SBF2: variants seen among roughly 807,000 people sequenced by gnomAD.
SBF2 encodes the protein SET binding factor 2, also known as myotubularin-related protein 13.
A neutral mutation model predicts 225.2 loss-of-function variants in SBF2; 112 were observed. That is an observed-to-expected ratio of 0.50 (90% confidence interval 0.43 to 0.58). The LOEUF (loss-of-function observed/expected upper bound fraction) is 0.58. Ranked by LOEUF, SBF2 falls within the 20% of genes least tolerant of loss-of-function variation. The pLI, the probability that SBF2 is intolerant of heterozygous loss-of-function variation, is 0.00. For synonymous variants in SBF2, 763 were observed against 773.3 expected, an observed-to-expected ratio of 0.99 and a Z score of 0.22; for missense variants, 1,996 against 2,206.2, an observed-to-expected ratio of 0.90 and a Z score of 1.91.
chr11:10,112,313 C>T (rs571215224), intron 2 of SBF2, among the ~76,000 whole-genome samples: 4 of 152,294 alleles, frequency 2.6e-5, no homozygotes, highest in South Asian at 2.1e-4. Flanking sequence ...CAGGAGGTGA[C>T]TGAATTATGG....
chr11:9,867,251 T>C (rs1858301915), intron 17 of SBF2, among the ~76,000 whole-genome samples: 1 of 152,108 alleles, frequency 6.6e-6, no homozygotes, highest in Non-Finnish European at 1.5e-5. Flanking sequence ...CATAAATATA[T>C]ACACCTACTA....
chr11:10,029,627 T>C (rs1319129222), intron 5 of SBF2, 138 bp downstream of exon 5: 4 of 722,050 alleles, frequency 5.5e-6, no homozygotes, highest in Non-Finnish European at 9.9e-6. Flanking sequence ...ATGGGGACAA[T>C]GCTTAACTAA....
At chr11:9,950,625 T>G (rs775175815) in intron 16 of SBF2, among the ~76,000 whole-genome samples, 1 of 152,216 alleles carries the variant, frequency 6.6e-6, no homozygotes, top group Non-Finnish European at 1.5e-5. Flanking sequence ...ACCAGCTGTA[T>G]GTAAACTTTA....
intron 2 of SBF2, among the ~76,000 whole-genome samples, chr11:10,108,196 A>C (rs1049289896): frequency 1.3e-5 from 2 of 152,210 alleles, no homozygotes; most frequent in Non-Finnish European, 2.9e-5. Flanking sequence ...AAAGATGTGG[A>C]ATTGAGAAAG....
chr11:10,257,294 G>A (rs752439266), intron 1 of SBF2, among the ~76,000 whole-genome samples: 6 of 152,118 alleles, frequency 3.9e-5, no homozygotes, highest in Non-Finnish European at 5.9e-5. Flanking sequence ...CTTCCAATGT[G>A]CTCTAATGCA....
At chr11:10,154,722 G>A (rs1955384835) in intron 2 of SBF2, among the ~76,000 whole-genome samples, 1 of 152,058 alleles carries the variant, frequency 6.6e-6, no homozygotes, top group Non-Finnish European at 1.5e-5. Context: ...GCCATAACTT[G>A]AGATTCTCAA....
At chr11:10,050,957 CTACAGCAGATCTAT>C (rs943677504) in intron 2 of SBF2, among the ~76,000 whole-genome samples, 74 of 152,232 alleles carry the variant, frequency 4.9e-4, no homozygotes, top group African/African-American at 1.7e-3. Flanking sequence ...AAGGGGGAAA[CTACAGCAGATCTAT>C]TAAATGAGCA....
At chr11:9,984,535 G>A (rs1026357911) in intron 13 of SBF2, among the ~76,000 whole-genome samples, 6 of 152,068 alleles carry the variant, frequency 3.9e-5, no homozygotes, top group East Asian at 1.9e-4. Flanking sequence ...AAACATCCCC[G>A]GCCTTGCAAG....
At chr11:10,199,563 T>A (rs570509919) in intron 1 of SBF2, among the ~76,000 whole-genome samples, 1 of 152,104 alleles carries the variant, frequency 6.6e-6, no homozygotes, top group East Asian at 1.9e-4. Flanking sequence ...AAACAAATAA[T>A]AAATAATAAG....
intron 27 of SBF2, among the ~76,000 whole-genome samples, chr11:9,831,438 T>G (rs1421658572): frequency 6.6e-6 from 1 of 152,250 alleles, no homozygotes; most frequent in Non-Finnish European, 1.5e-5. Context: ...TCAGTCAACC[T>G]AATGATCAAA....
chr11:10,075,669 G>A (rs1364009001), intron 2 of SBF2, among the ~76,000 whole-genome samples: 1 of 151,996 alleles, frequency 6.6e-6, no homozygotes, highest in Admixed American at 6.5e-5. Flanking sequence ...TTGCCCTTCT[G>A]CCATGATTGT....
In SBF2 at chr11:9,963,781, T is replaced by A; in HGVS notation, c.1702A>T (p.Thr568Ser). 2 of 1,529,050 alleles carry A rather than the reference T, an allele frequency of 1.3e-6. No individual in the cohort carries two copies. The highest frequency in any genetic ancestry group is 1.8e-6 in the Non-Finnish European group (2 of 1,106,882). The allele number at this position is 1,529,050 out of a possible 1,614,324, so 94.7% of individuals were successfully genotyped here. ...AGATCACATTTTATTACCTTTTCAG[T>A]TTCCAAAATTTTATTTTCAAATATG... ...SFIFENKILE[T>S]EKTLPAALRA... The change falls in exon 15 of 40, where the codon ACT becomes TCT. Residue 568 changes from threonine to serine, a missense_variant. Transcript: ENST00000256190.
chr11:10,216,006 T>C (rs1233899544), intron 1 of SBF2, among the ~76,000 whole-genome samples: 1 of 152,248 alleles, frequency 6.6e-6, no homozygotes, highest in African/African-American at 2.4e-5. Context: ...CATTCTCCTC[T>C]TTAATCTTAC....
At chr11:9,868,337 CAAAAAA>C (rs35348349) in intron 17 of SBF2, among the ~76,000 whole-genome samples, 1 of 26,372 alleles carries the variant, frequency 3.8e-5, no homozygotes, top group Non-Finnish European at 5.5e-5. Flanking sequence ...TACAAAAATA[CAAAAAA>C]AAAAAAAAAA....
intron 2 of SBF2, among the ~76,000 whole-genome samples, chr11:10,110,904 A>G (rs142089190): frequency 0.01 from 1,557 of 152,314 alleles, 12 homozygotes; most frequent in Non-Finnish European, 0.017. Context: ...AGATATAACG[A>G]TACTTATTTT....
intron 1 of SBF2, among the ~76,000 whole-genome samples, chr11:10,282,795 C>T (rs1192824412): frequency 6.6e-6 from 1 of 151,820 alleles, no homozygotes; most frequent in East Asian, 1.9e-4. Context: ...TTAAGAGCTA[C>T]CATTTTTCAA....
chr11:9,895,760 T>A (rs1327923328), intron 17 of SBF2, among the ~76,000 whole-genome samples, 183 bp downstream of exon 17: 3 of 152,204 alleles, frequency 2.0e-5, no homozygotes, highest in Non-Finnish European at 4.4e-5. Flanking sequence ...TAGGAGATGA[T>A]TTAGTGTTCT....
chr11:10,299,685 A>G (rs1964577486), intron 1 of SBF2, among the ~76,000 whole-genome samples: 1 of 150,464 alleles, frequency 6.6e-6, no homozygotes. Context: ...AAGCTGGTGA[A>G]CTTTAGGATG....
At chr11:10,194,031 A>C in intron 1 of SBF2, 44 bp from the exon 2 acceptor site, 1 of 1,194,242 alleles carries the variant, frequency 8.4e-7, no homozygotes, top group Non-Finnish European at 1.3e-6. Context: ...GGACACTAAA[A>C]ACTACAAATA....
Sources: allele counts gnomAD v4.1 joint callset (sites outside exome capture counted in the v4.1 genomes callset), GRCh38; gene constraint gnomAD v4.1.1; transcripts MANE v1.5; gene names NCBI Gene and HGNC (gene_info 2026-07-23, HGNC 2026-07-21).